FNTB: variants seen among roughly 807,000 people sequenced by gnomAD.
FNTB encodes the protein farnesyltransferase, CAAX box, subunit beta.
FNTB carries 27 observed loss-of-function variants against 59.4 expected under a neutral mutation model. The ratio of observed to expected loss-of-function variants is 0.45; its 90% confidence interval spans 0.34 to 0.63. The LOEUF (loss-of-function observed/expected upper bound fraction) is 0.63. Ranked by LOEUF, FNTB falls within the 20% of genes least tolerant of loss-of-function variation. FNTB has a pLI of 0.02. For missense variants in FNTB, 449 were observed against 559.6 expected (o/e 0.80, Z 1.99); for synonymous variants, 230 against 220.7 (o/e 1.04, Z -0.37).
In FNTB at chr14:65,032,632, G is replaced by A. The variant is rs1343748144; in HGVS notation, c.628G>A (p.Val210Ile). Residue 210 changes from valine (V) to isoleucine (I), a missense_variant, in exon 7 of 12, where the codon GTA becomes ATA. Physicochemically the swap from Val to Ile is conservative, Grantham distance 29. This residue lies in a region of FNTB where 337 missense variants were observed against 479.1 expected (regional missense o/e 0.70). Transcript: ENST00000246166. This position sits in a 1 kb window ranked among gnomAD's most constrained non-coding sequence, Gnocchi z 5.0. ...CAGAAGCGCATACTGTGCTGCCTCC[G>A]TAGCCTCGCTGACCAACATCATCAC... ...DVRSAYCAAS[V>I]ASLTNIITPD... is the part of the protein sequence containing the mutation. 10 of 1,613,668 alleles carry A rather than the reference G, an allele frequency of 6.2e-6. No homozygotes were observed. Among genetic ancestry groups the A allele is most frequent in the African/African-American group, 2.7e-5 (2 of 74,914 alleles).
intron 9 of FNTB, 139 bp from the exon 10 acceptor site, chr14:65,053,099 T>C (rs1249976061): frequency 3.7e-6 from 2 of 534,506 alleles, no homozygotes; most frequent in Non-Finnish European, 5.8e-6. Flanking sequence ...ATGGGGAAGA[T>C]AGCAGTTGTA....
rs2062340292 is a variant in FNTB, at chr14:65,040,998, G to T, written c.822+79G>T. ...TTGTACTCAGACATGCAGGCTTCAG[G>T]AGAGTTTGGCTATGGGAAGGGCTAA... On this transcript the variant is annotated intron_variant, in intron 8 of 11. Coordinates refer to ENST00000246166, the MANE Select transcript of FNTB (RefSeq NM_002028.4). 5 of 1,566,366 alleles carry T rather than the reference G, an allele frequency of 3.2e-6. No homozygotes were observed. In the African/African-American group the frequency reaches 5.4e-5, roughly 17 times the overall value.
rs1015318221 is a variant in FNTB at position 64,990,055 on chromosome 14, G to C, written c.144+2958G>C. Among the ~76,000 whole-genome samples the C allele has an allele frequency of 2.0e-5, 3 of 152,150 alleles. No individual in the cohort carries two copies. The highest frequency in any genetic ancestry group is 3.2e-3 in the Middle Eastern group (1 of 316). Reference sequence around the variant, plus strand: ...AAGCCATCATGGATCTGGTGCAAGAGTATTCTGGGCAGAGAAAGCAGCAAG... The same window carrying C: ...AAGCCATCATGGATCTGGTGCAAGACTATTCTGGGCAGAGAAAGCAGCAAG... On this transcript the variant is annotated intron_variant, in intron 1 of 11. Coordinates refer to ENST00000246166, the MANE Select transcript of FNTB (RefSeq NM_002028.4). The surrounding 1 kb of genome is among the most constrained non-coding windows in gnomAD (Gnocchi z 5.2).
intron 9 of FNTB, among the ~76,000 whole-genome samples, chr14:65,051,144 T>C (rs1270123281): frequency 6.6e-6 from 1 of 152,204 alleles, no homozygotes; most frequent in East Asian, 1.9e-4. Flanking sequence ...TGTCTCTTAA[T>C]GGGTGTTTCA....
At position 64,991,826 on chromosome 14, in the gene FNTB, T is replaced by C. The variant is rs1311682820; in HGVS notation, c.144+4729T>C. Among the ~76,000 whole-genome samples the C allele has an allele frequency of 6.6e-6, 1 of 151,952 alleles. No homozygotes were observed. Among genetic ancestry groups the C allele is most frequent in the Non-Finnish European group, 1.5e-5 (1 of 67,982 alleles). On this transcript the variant is annotated intron_variant, in intron 1 of 11. Coordinates refer to ENST00000246166, the MANE Select transcript of FNTB (RefSeq NM_002028.4). The surrounding 1 kb of genome is among the most constrained non-coding windows in gnomAD (Gnocchi z 4.4). ...TTTTGAGGGAAGACTCAGGCTTGAC[T>C]GGGGGCGTTAAGATGGCTTACCAGG...
intron 9 of FNTB, among the ~76,000 whole-genome samples, chr14:65,051,565 C>G (rs1348720956): frequency 6.6e-6 from 1 of 151,284 alleles, no homozygotes. Context: ...GAGCCGAGAT[C>G]GTGCCATTGC....
In FNTB at chr14:65,022,274, CT is replaced by C. The variant is rs878889324; in HGVS notation, c.375-5172del. ...CTGTTCCTATTTCCAAAGCTGTAAT[CT>C]TTTTTTCTGTTTTTTTTTTTTTAAA... is the stretch of plus-strand genomic sequence containing the variant. On this transcript the variant is annotated intron_variant, in intron 4 of 11. Coordinates refer to ENST00000246166, the MANE Select transcript of FNTB (RefSeq NM_002028.4). 2.7e-3 allele frequency: 812 copies of C among 305,940 alleles called. 20 individuals carry two copies. The highest frequency in any genetic ancestry group is 0.019 in the South Asian group (734 of 37,782). 19.0% of individuals were successfully genotyped at this position (305,940 alleles called of 1,614,324 possible).
In FNTB at chr14:65,027,589, A is replaced by G. The variant is rs2062006849; in HGVS notation, c.511A>G (p.Ile171Val). The G allele has an allele frequency of 1.2e-6, 2 of 1,614,210 alleles. No homozygotes were observed. Among genetic ancestry groups the G allele is most frequent in the Non-Finnish European group, 1.7e-6 (2 of 1,180,028 alleles). ...CIIGTEEAYDIINREKLLQYL... is the reference protein window; with the variant it reads ...CIIGTEEAYDVINREKLLQYL... ...CATTGGCACCGAGGAGGCCTATGAC[A>G]TCATTAACAGGTACAGTGAAAGCCA... Residue 171 changes from isoleucine to valine, a missense_variant, in exon 5 of 12, where the codon ATC (isoleucine) becomes GTC (valine). Around this residue, in one of 2 missense-constraint regions of FNTB, gnomAD observed 337 missense variants for 479.1 expected, o/e 0.70. Coordinates refer to ENST00000246166, the MANE Select transcript of FNTB (RefSeq NM_002028.4). The surrounding 1 kb of genome is among the most constrained non-coding windows in gnomAD (Gnocchi z 5.7).
chr14:65,044,618 A>C lies in FNTB; in HGVS notation c.955+175A>C. On this transcript the variant is annotated intron_variant, in intron 9 of 11. Coordinates refer to ENST00000246166, the MANE Select transcript of FNTB (RefSeq NM_002028.4). This position sits in a 1 kb window ranked among gnomAD's most constrained non-coding sequence, Gnocchi z 5.5. The stretch of plus-strand genomic sequence containing the variant: ...GGCATGCGAATGCAGAGTAAGATTT[A>C]GTTTCATTGGTTTAGTGTCATTCTT... 2 of 954,740 alleles carry C rather than the reference A, an allele frequency of 2.1e-6. No homozygotes were observed. Among genetic ancestry groups the C allele is most frequent in the Non-Finnish European group, 2.9e-6 (2 of 684,826 alleles). The allele number at this position is 954,740 out of a possible 1,614,324, so 59.1% of individuals were successfully genotyped here. A position where few individuals can be genotyped will look rare whatever the true frequency, so the allele number is the denominator to read the frequency against.
chr14:65,017,175 G>A (rs1320552036), intron 4 of FNTB, among the ~76,000 whole-genome samples: 3 of 151,978 alleles, frequency 2.0e-5, no homozygotes, highest in Non-Finnish European at 2.9e-5. Flanking sequence ...TACCTGCCTC[G>A]GCCTCCCAAA....
Position 65,053,226 on chromosome 14 carries a change from G to T in FNTB, c.956-12G>T, listed in dbSNP as rs1483953158. On this transcript the variant is annotated splice_polypyrimidine_tract_variant and intron_variant, in intron 9 of 11. Coordinates refer to ENST00000246166, the MANE Select transcript of FNTB (RefSeq NM_002028.4). ...TCTGCCGGGCCCTTACTGACCCTTTGCCCTTCAACAGGTGACCCTGCCCTT... is the reference window on the plus strand; with the variant it reads ...TCTGCCGGGCCCTTACTGACCCTTTTCCCTTCAACAGGTGACCCTGCCCTT... The T allele has an allele frequency of 7.3e-7, 1 of 1,366,062 alleles. No individual in the cohort carries two copies. The highest frequency in any genetic ancestry group is 9.5e-7 in the Non-Finnish European group (1 of 1,048,566). 84.6% of individuals were successfully genotyped at this position (1,366,062 alleles called of 1,614,324 possible).
intron 11 of FNTB, among the ~76,000 whole-genome samples, chr14:65,057,540 A>G (rs1378669020): frequency 1.3e-5 from 2 of 152,168 alleles, no homozygotes; most frequent in African/African-American, 4.8e-5. Context: ...TAACTTAAGG[A>G]ATCTCTACCA....
intron 4 of FNTB, chr14:65,021,926 G>A (rs1272307669): frequency 1.1e-5 from 5 of 455,998 alleles, no homozygotes; most frequent in Middle Eastern, 3.3e-4. Flanking sequence ...GATTATAGGC[G>A]TGAGCCACTG....
chr14:65,037,420 T>C (rs112085748), intron 7 of FNTB, among the ~76,000 whole-genome samples: 10 of 106,724 alleles, frequency 9.4e-5, no homozygotes, highest in Admixed American at 3.9e-4. Flanking sequence ...TTTTTTTTTT[T>C]TTTTTTTTTT....
At position 65,010,204 on chromosome 14, in the gene FNTB, C is replaced by T. The variant is rs187591806; in HGVS notation, c.210-2113C>T. ...GTGACATGACACTTCCTTTGCTCTT[C>T]CCTAGCATATGTAAACTCTCCTGTT... is the stretch of plus-strand genomic sequence containing the variant. On this transcript the variant is annotated intron_variant, in intron 2 of 11. Transcript: ENST00000246166. Among the ~76,000 whole-genome samples, 402 of 152,306 alleles carry T rather than the reference C, an allele frequency of 2.6e-3. 1 individual carries two copies. The highest frequency in any genetic ancestry group is 7.9e-3 in the African/African-American group (329 of 41,572).
intron 4 of FNTB, among the ~76,000 whole-genome samples, chr14:65,021,424 T>A (rs2061884420): frequency 1.3e-5 from 2 of 152,170 alleles, no homozygotes; most frequent in Non-Finnish European, 2.9e-5. Context: ...CCCTTAAATA[T>A]TTTTCCTTTT....
At chr14:65,004,414 G>A (rs1294489722) in intron 2 of FNTB, 101 bp downstream of exon 2, 4 of 1,259,750 alleles carry the variant, frequency 3.2e-6, no homozygotes, top group Non-Finnish European at 4.5e-6. Context: ...GGGAGCATCT[G>A]CTGCAAGAAT....
At chr14:65,058,678 G>A (rs1350434867) in intron 11 of FNTB, among the ~76,000 whole-genome samples, 1 of 152,132 alleles carries the variant, frequency 6.6e-6, no homozygotes. Flanking sequence ...TCAGTCATAA[G>A]GTAGTGTTAA....
rs1275846932 is a variant in FNTB at position 65,001,637 on chromosome 14, A to G, written c.145-2612A>G. Among the ~76,000 whole-genome samples, 2 of 152,218 alleles carry G rather than the reference A, an allele frequency of 1.3e-5. No homozygotes were observed. Among genetic ancestry groups the G allele is most frequent in the South Asian group, 2.1e-4 (1 of 4,836 alleles). ...GATATCCTGGGAGATCCTGGAACCA[A>G]TCCCGCATGGATACTGAGGGATGAT... is the stretch of plus-strand genomic sequence containing the variant. On this transcript the variant is annotated intron_variant, in intron 1 of 11. Coordinates refer to ENST00000246166, the MANE Select transcript of FNTB (RefSeq NM_002028.4). This position sits in a 1 kb window ranked among gnomAD's most constrained non-coding sequence, Gnocchi z 5.5.
Sources: allele counts gnomAD v4.1 joint callset (sites outside exome capture counted in the v4.1 genomes callset), GRCh38; gene constraint gnomAD v4.1.1; regional missense constraint gnomAD v4.1.1; non-coding constraint Gnocchi (gnomAD v3.1); transcripts MANE v1.5; gene names NCBI Gene and HGNC (gene_info 2026-07-23, HGNC 2026-07-21).